COL24A1: variants seen among roughly 807,000 people sequenced by gnomAD.
COL24A1 encodes collagen type XXIV alpha 1 chain.
A neutral mutation model predicts 253.9 loss-of-function variants in COL24A1; 224 were observed. That is an observed-to-expected ratio of 0.88 (90% confidence interval 0.79 to 0.99). The LOEUF (loss-of-function observed/expected upper bound fraction) is 0.99, where lower values mean the gene tolerates loss of function less well. Among genes scored for constraint, COL24A1 ranks in the 50% least tolerant of loss-of-function variants. The pLI is 0.00. For missense variants in COL24A1, 2,131 were observed against 2,068.5 expected (o/e 1.03, Z -0.59); for synonymous variants, 685 against 673.7 (o/e 1.02, Z -0.26).
At chr1:86,146,492 C>T (rs1178565779) in intron 1 of COL24A1, among the ~76,000 whole-genome samples, 1 of 151,726 alleles carries the variant, frequency 6.6e-6, no homozygotes, top group Non-Finnish European at 1.5e-5. Flanking sequence ...GTACCTGGCA[C>T]ATAGGAAACA....
At chr1:86,045,399 G>C (rs1439886767) in intron 12 of COL24A1, among the ~76,000 whole-genome samples, 1 of 152,138 alleles carries the variant, frequency 6.6e-6, no homozygotes, top group African/African-American at 2.4e-5. Flanking sequence ...AGCATACATT[G>C]ATAGGAGAAG....
intron 31 of COL24A1, among the ~76,000 whole-genome samples, chr1:85,895,106 T>C (rs1345800666): frequency 6.6e-6 from 1 of 152,170 alleles, no homozygotes; most frequent in Non-Finnish European, 1.5e-5. Flanking sequence ...GCTTATGTGC[T>C]CACATACATG....
chr1:86,131,730 G>A (rs1013025879), intron 2 of COL24A1, among the ~76,000 whole-genome samples: 13 of 152,000 alleles, frequency 8.6e-5, no homozygotes, highest in African/African-American at 2.2e-4. Flanking sequence ...CATGGTGTAT[G>A]TGTGCTACAT....
intron 37 of COL24A1, among the ~76,000 whole-genome samples, chr1:85,862,074 CTATCTT>C (rs1265384921): frequency 2.0e-5 from 3 of 152,190 alleles, no homozygotes; most frequent in African/African-American, 7.2e-5. Flanking sequence ...TATATGTTCT[CTATCTT>C]TAACTAGTTG....
intron 11 of COL24A1, among the ~76,000 whole-genome samples, chr1:86,047,354 TGA>T (rs971091070): frequency 1.3e-5 from 2 of 152,142 alleles, no homozygotes; most frequent in Admixed American, 6.5e-5. Context: ...AGCAGAGAGA[TGA>T]ATCTACAGCC....
intron 35 of COL24A1, among the ~76,000 whole-genome samples, chr1:85,870,610 C>T (rs1270256935): frequency 4.6e-5 from 7 of 152,152 alleles, no homozygotes; most frequent in African/African-American, 1.4e-4. Flanking sequence ...GGGTACATAA[C>T]GAAATGAAGG....
intron 5 of COL24A1, among the ~76,000 whole-genome samples, chr1:86,110,892 GTGCCTGGTCCCATCGAC>G (rs1221185481): frequency 4.5e-4 from 69 of 152,286 alleles, no homozygotes; most frequent in African/African-American, 1.6e-3. Flanking sequence ...CTTCTCCGTG[GTGCCTGGTCCCATCGAC>G]TGCCCAAGGG....
At chr1:86,067,147 A>AG (rs1701554770) in intron 7 of COL24A1, among the ~76,000 whole-genome samples, 2 of 151,236 alleles carry the variant, frequency 1.3e-5, no homozygotes, top group South Asian at 4.2e-4. Flanking sequence ...TCAAAAAAGA[A>AG]GAAAAAAAAA....
intron 4 of COL24A1, among the ~76,000 whole-genome samples, chr1:86,113,133 A>G (rs940013195): frequency 6.6e-6 from 1 of 152,234 alleles, no homozygotes; most frequent in African/African-American, 2.4e-5. Flanking sequence ...AAATTATATA[A>G]TCTGAATTCA....
intron 59 of COL24A1, among the ~76,000 whole-genome samples, chr1:85,732,270 G>A (rs551444012): frequency 7.4e-5 from 11 of 148,288 alleles, no homozygotes; most frequent in Admixed American, 2.7e-4. Context: ...TCACTCGGTC[G>A]CCCAGCTGGA....
chr1:86,077,765 A>T (rs190175156), intron 7 of COL24A1, among the ~76,000 whole-genome samples: 1 of 151,830 alleles, frequency 6.6e-6, no homozygotes, highest in African/African-American at 2.4e-5. Context: ...GCACGTTCTC[A>T]CTCAAAAGTG....
At chr1:85,979,374 A>G (rs970320913) in intron 20 of COL24A1, among the ~76,000 whole-genome samples, 46 of 152,076 alleles carry the variant, frequency 3.0e-4, no homozygotes, top group African/African-American at 9.9e-4. Context: ...GAAACAAAAA[A>G]TACAAAGATA....
At chr1:85,997,041 A>ATGTGTGTGTGTGTGTGTGTGTGTG (rs1212886965) in intron 19 of COL24A1, among the ~76,000 whole-genome samples, 3 of 81,164 alleles carry the variant, frequency 3.7e-5, no homozygotes, top group African/African-American at 8.6e-5. Context: ...ATATATATAT[A>ATGTGTGTGTGTGTGTGTGTGTGTG]TGTGTGTGTG....
intron 24 of COL24A1, among the ~76,000 whole-genome samples, chr1:85,944,754 C>T (rs1167110600): frequency 3.9e-5 from 6 of 152,074 alleles, no homozygotes; most frequent in South Asian, 4.2e-4. Flanking sequence ...CCCCATTCCC[C>T]GACCCCACAA....
chr1:85,893,129 A>G (rs1485690467), intron 31 of COL24A1, among the ~76,000 whole-genome samples: 2 of 152,138 alleles, frequency 1.3e-5, no homozygotes, highest in East Asian at 3.8e-4. Flanking sequence ...ATCAAGACAC[A>G]GATAGGTTGA....
intron 22 of COL24A1, among the ~76,000 whole-genome samples, chr1:85,965,337 T>C (rs1029494101): frequency 2.6e-5 from 4 of 151,974 alleles, no homozygotes; most frequent in African/African-American, 9.7e-5. Flanking sequence ...AATAACAATG[T>C]TTTAAAAAAT....
At chr1:85,901,669 G>C (rs900027284) in intron 28 of COL24A1, among the ~76,000 whole-genome samples, 1 of 151,264 alleles carries the variant, frequency 6.6e-6, no homozygotes, top group Non-Finnish European at 1.5e-5. Context: ...AATTAGCTGG[G>C]CATGGTGGCT....
chr1:86,120,135 A>C (rs1226675399), intron 3 of COL24A1, among the ~76,000 whole-genome samples: 2 of 152,374 alleles, frequency 1.3e-5, no homozygotes, highest in East Asian at 1.9e-4. Context: ...TTATACAAAA[A>C]TTAATTCAAG....
At chr1:85,940,901 T>C (rs1189462126) in intron 24 of COL24A1, among the ~76,000 whole-genome samples, 2 of 152,220 alleles carry the variant, frequency 1.3e-5, no homozygotes, top group Non-Finnish European at 2.9e-5. Flanking sequence ...TGTGCTGTAC[T>C]CCCTGCACTA....
Sources: allele counts gnomAD v4.1 joint callset (sites outside exome capture counted in the v4.1 genomes callset), GRCh38; gene constraint gnomAD v4.1.1; transcripts MANE v1.5; gene names NCBI Gene and HGNC (gene_info 2026-07-23, HGNC 2026-07-21).